CERS3: variants seen among roughly 807,000 people sequenced by gnomAD.
The protein encoded by CERS3 is ceramide synthase 3.
In CERS3, 33 loss-of-function variants were observed where a neutral mutation model predicts 50.3. The observed-to-expected ratio is 0.66, with a 90% CI of 0.50 to 0.88. The LOEUF (loss-of-function observed/expected upper bound fraction) is 0.88, where lower values mean the gene tolerates loss of function less well. Ranked by LOEUF, CERS3 falls within the 40% of genes least tolerant of loss-of-function variation. The pLI, the probability that CERS3 is intolerant of heterozygous loss-of-function variation, is 0.00. For synonymous variants in CERS3, 176 were observed against 155.2 expected (o/e 1.13, Z -0.99); for missense variants, 470 against 460.3 (o/e 1.02, Z -0.19).
At chr15:100,487,137 T>C (rs2035510710) in intron 4 of CERS3, among the ~76,000 whole-genome samples, 1 of 152,236 alleles carries the variant, frequency 6.6e-6, no homozygotes, top group South Asian at 2.1e-4. Context: ...GAAGCATTTA[T>C]TGACCATCTG....
intron 2 of CERS3, among the ~76,000 whole-genome samples, chr15:100,518,335 G>A (rs1165851461): frequency 2.6e-5 from 4 of 152,112 alleles, no homozygotes; most frequent in African/African-American, 4.8e-5. Flanking sequence ...GACACAGAGA[G>A]AGAGAAGGAC....
chr15:100,436,587 A>G (rs1210348257), intron 11 of CERS3, among the ~76,000 whole-genome samples: 1 of 152,206 alleles, frequency 6.6e-6, no homozygotes, highest in South Asian at 2.1e-4. Flanking sequence ...ATGTATACAT[A>G]TATAACAAAC....
intron 10 of CERS3, among the ~76,000 whole-genome samples, chr15:100,467,829 ATATACG>A (rs2034814694): frequency 1.0e-5 from 1 of 98,542 alleles, no homozygotes; most frequent in Non-Finnish European, 2.1e-5. Flanking sequence ...ATGTGTATAT[ATATACG>A]TGTATATATA....
chr15:100,524,323 G>A (rs116746423), intron 1 of CERS3, among the ~76,000 whole-genome samples: 1,742 of 151,974 alleles, frequency 0.011, 41 homozygotes, highest in African/African-American at 0.04. Flanking sequence ...GGTTAAAAAC[G>A]TTTGAAAATC....
intron 11 of CERS3, among the ~76,000 whole-genome samples, chr15:100,417,904 G>C (rs2032081605): frequency 6.6e-6 from 1 of 151,900 alleles, no homozygotes; most frequent in African/African-American, 2.4e-5. Flanking sequence ...CAAACAGAAA[G>C]GACATCCACA....
At chr15:100,487,067 GAAA>G (rs2035508253) in intron 4 of CERS3, among the ~76,000 whole-genome samples, 2 of 152,110 alleles carry the variant, frequency 1.3e-5, no homozygotes, top group South Asian at 4.1e-4. Flanking sequence ...TATTAAGAGA[GAAA>G]ACTCCTTGCA....
chr15:100,402,416 C>T lies in CERS3; in HGVS notation c.*297G>A. 1 of 333,986 alleles carries T rather than the reference C, an allele frequency of 3.0e-6. No individual in the cohort carries two copies. Among genetic ancestry groups the T allele is most frequent in the African/African-American group, 2.1e-5 (1 of 46,896 alleles). 20.7% of individuals were successfully genotyped at this position (333,986 alleles called of 1,614,324 possible). On this transcript the variant is annotated 3_prime_UTR_variant, in exon 12 of 12. Transcript: ENST00000679737. ...GCGAAAGGGTCTATAACAAAGCGAG[C>T]CCCTGAGAAAGTGACATGCATGAGG...
At position 100,472,968 on chromosome 15, in the gene CERS3, T is replaced by C. The variant is rs2035015596; in HGVS notation, c.694A>G (p.Thr232Ala). The change falls in exon 9 of 12, where the codon ACC becomes GCC. Residue 232 changes from threonine (T) to alanine (A), a missense_variant. Coordinates refer to ENST00000679737, the MANE Select transcript of CERS3 (RefSeq NM_001378789.1). Reference sequence around the variant, plus strand: ...ACATCGTGTACAATCATCACGAGGGTCCCACTGCGAATATAATTAGCACAC... The same window carrying C: ...ACATCGTGTACAATCATCACGAGGGCCCCACTGCGAATATAATTAGCACAC... ...SWCANYIRSGTLVMIVHDVAD... is the reference protein window; with the variant it reads ...SWCANYIRSGALVMIVHDVAD... The C allele has an allele frequency of 1.9e-6, 3 of 1,613,948 alleles. No homozygotes were observed. In the East Asian group the frequency reaches 6.7e-5, roughly 36 times the overall value.
chr15:100,490,037 T>C (rs1273183786), intron 4 of CERS3, among the ~76,000 whole-genome samples: 1 of 152,230 alleles, frequency 6.6e-6, no homozygotes, highest in Non-Finnish European at 1.5e-5. Context: ...GCATATGTAC[T>C]TGATTTTTAA....
intron 11 of CERS3, among the ~76,000 whole-genome samples, chr15:100,415,621 A>G (rs1164159619): frequency 3.3e-5 from 5 of 152,226 alleles, no homozygotes; most frequent in African/African-American, 9.6e-5. Context: ...ATAAAAAGGA[A>G]TGAGACCATG....
chr15:100,405,355 C>G (rs1371398516), intron 11 of CERS3, among the ~76,000 whole-genome samples: 2 of 151,790 alleles, frequency 1.3e-5, no homozygotes, highest in African/African-American at 2.4e-5. Flanking sequence ...TGTTCAACAC[C>G]ATTAGTCATT....
intron 1 of CERS3, among the ~76,000 whole-genome samples, chr15:100,535,725 C>A (rs2037056870): frequency 1.0e-5 from 1 of 99,098 alleles, no homozygotes; most frequent in South Asian, 3.1e-4. Flanking sequence ...TGGGGATATC[C>A]CTATGCTCAT....
At chr15:100,421,053 A>T (rs1249495707) in intron 11 of CERS3, among the ~76,000 whole-genome samples, 1 of 147,954 alleles carries the variant, frequency 6.8e-6, no homozygotes, top group Non-Finnish European at 1.5e-5. Flanking sequence ...CACCACTCCT[A>T]TTCAACATAG....
chr15:100,533,266 T>C (rs1371832517), upstream of CERS3, among the ~76,000 whole-genome samples: 4 of 152,164 alleles, frequency 2.6e-5, no homozygotes, highest in East Asian at 7.7e-4. Flanking sequence ...TAACTTACTG[T>C]ATCTCTTATC....
chr15:100,473,161 T>C, intron 8 of CERS3, 109 bp from the exon 9 acceptor site: 1 of 1,178,018 alleles, frequency 8.5e-7, no homozygotes, highest in East Asian at 2.5e-5. Context: ...TCTGCATGTT[T>C]TGAAATTTAT....
intron 3 of CERS3, among the ~76,000 whole-genome samples, chr15:100,494,414 AT>A (rs918556476): frequency 6.6e-6 from 1 of 150,686 alleles, no homozygotes; most frequent in African/African-American, 2.4e-5. Context: ...CGCCCAGCTA[AT>A]TTTTTTTATT....
chr15:100,492,898 T>C (rs1604704), intron 3 of CERS3, among the ~76,000 whole-genome samples: 119,141 of 152,016 alleles, frequency 0.78, 48,379 homozygotes, highest in East Asian at 0.93. Flanking sequence ...GGGATTATAA[T>C]TGACATATTA....
intron 3 of CERS3, chr15:100,500,640 A>G (rs1237870910): frequency 1.3e-5 from 2 of 152,248 alleles, no homozygotes. Context: ...ATACGTGAGT[A>G]AAAAGTAGAA....
chr15:100,407,642 G>A (rs187835199), intron 11 of CERS3, among the ~76,000 whole-genome samples: 181 of 152,162 alleles, frequency 1.2e-3, no homozygotes, highest in African/African-American at 4.1e-3. Flanking sequence ...ATATCTGTGG[G>A]TTCCACATTT....
Sources: gnomAD v4.1 joint callset for allele counts (sites outside exome capture counted in the v4.1 genomes callset) on GRCh38, gnomAD v4.1.1 for gene constraint, MANE v1.5 for transcripts, NCBI Gene and HGNC (gene_info 2026-07-23, HGNC 2026-07-21) for gene names.